ANKRD26: variants seen among roughly 807,000 people sequenced by gnomAD.
ANKRD26 encodes ankyrin repeat domain-containing protein 26.
ANKRD26 carries 141 observed loss-of-function variants against 208.7 expected under a neutral mutation model. The observed-to-expected ratio is 0.68, with a 90% CI of 0.59 to 0.78. ANKRD26 has a LOEUF of 0.78. ANKRD26 is among the 30% of genes least tolerant of loss of function. ANKRD26 has a pLI of 0.00. For missense variants in ANKRD26, 1,889 were observed against 1,938.7 expected, an observed-to-expected ratio of 0.97 and a Z score of 0.48; for synonymous variants, 636 against 660.4, an observed-to-expected ratio of 0.96 and a Z score of 0.57.
intron 16 of ANKRD26, among the ~76,000 whole-genome samples, chr10:27,049,911 C>T (rs2054586866): frequency 6.6e-6 from 1 of 152,024 alleles, no homozygotes; most frequent in Non-Finnish European, 1.5e-5. Flanking sequence ...TGGGAAGTCT[C>T]GTCTGCTTTT....
rs1384332384 is a variant in ANKRD26 at position 27,077,650 on chromosome 10, T to C, written c.857A>G (p.Gln286Arg). 4 of 1,613,330 alleles carry C rather than the reference T, an allele frequency of 2.5e-6. No individual in the cohort carries two copies. In the Admixed American group the frequency reaches 6.7e-5, roughly 27 times the overall value. ...CAGCTTACAATTTTTCCTGGATTGC[T>C]GAGAAGCAGTCATTAGCTTTGCTAA... ...PSLAKLMTAS[Q>R]QSRKNLEATY... Residue 286 changes from glutamine (Q) to arginine (R), a missense_variant, in exon 8 of 34, where the codon CAG becomes CGG. Gln to Arg is a conservative substitution (Grantham distance 43). Coordinates refer to ENST00000376087, the MANE Select transcript of ANKRD26 (RefSeq NM_014915.3).
intron 1 of ANKRD26, among the ~76,000 whole-genome samples, chr10:27,096,765 C>CAAA (rs1177909846): frequency 2.7e-5 from 2 of 73,210 alleles, no homozygotes; most frequent in African/African-American, 3.9e-5. Context: ...GACTCCATCT[C>CAAA]AAAAAAAAAA....
chr10:27,074,619 T>G (rs993826794), intron 9 of ANKRD26, among the ~76,000 whole-genome samples: 13 of 151,980 alleles, frequency 8.6e-5, no homozygotes, highest in Admixed American at 2.0e-4. Context: ...GGGTGGAGGT[T>G]GCAGTGAGCT....
Position 27,100,303 on chromosome 10 carries a change from C to G in ANKRD26, c.24G>C (p.Lys8Asn). Residue 8 changes from lysine to asparagine, a missense_variant, in exon 1 of 34, where the codon AAG becomes AAC. Around this residue, in one of 3 missense-constraint regions of ANKRD26, gnomAD observed 1,272 missense variants for 1,273.8 expected, o/e 1.00. Coordinates refer to ENST00000376087, the MANE Select transcript of ANKRD26 (RefSeq NM_014915.3). Reference sequence around the variant, plus strand: ...CGAAGGAGCCCAAGGGCGACTCGCCCTTCTTACTAAAAATCTTCTTCATGG... The same window carrying G: ...CGAAGGAGCCCAAGGGCGACTCGCCGTTCTTACTAAAAATCTTCTTCATGG... Reference protein sequence around the residue: MKKIFSKKGESPLGSFAR... With the variant: MKKIFSKNGESPLGSFAR... 6.2e-7 allele frequency: 1 copy of G among 1,609,370 alleles called. No homozygotes were observed. Among genetic ancestry groups the G allele is most frequent in the Non-Finnish European group, 8.5e-7 (1 of 1,179,772 alleles).
rs1367886019 is a variant in ANKRD26 at position 27,035,758 on chromosome 10, T to G, written c.2698-6A>C. ...TCTTCATGACTATGAGAATTCTAAG[T>G]AAAACAAAGGAAACTTTGAGCTAGC... On this transcript the variant is annotated splice_polypyrimidine_tract_variant and splice_region_variant and intron_variant, in intron 23 of 33. Coordinates refer to ENST00000376087, the MANE Select transcript of ANKRD26 (RefSeq NM_014915.3). 2 of 1,594,014 alleles carry G rather than the reference T, an allele frequency of 1.3e-6. No individual in the cohort carries two copies. The highest frequency in any genetic ancestry group is 2.7e-5 in the African/African-American group (2 of 74,284).
chr10:27,054,069 C>A (rs1217063397), intron 15 of ANKRD26, among the ~76,000 whole-genome samples: 1 of 152,152 alleles, frequency 6.6e-6, no homozygotes, highest in African/African-American at 2.4e-5. Context: ...TATCTTCCCC[C>A]AGATAAACAG....
At chr10:27,040,342 T>C (rs1423967586) in intron 20 of ANKRD26, among the ~76,000 whole-genome samples, 164 bp from the exon 21 acceptor site, 7 of 152,216 alleles carry the variant, frequency 4.6e-5, no homozygotes. Flanking sequence ...GCAAGACCTC[T>C]GCACTTGCTT....
Position 27,046,400 on chromosome 10 carries a change from T to G in ANKRD26, c.1938A>C (p.Gln646His). The change falls in exon 18 of 34, where the codon CAA becomes CAC. Residue 646 changes from glutamine to histidine, a missense_variant. Around this residue, in one of 3 missense-constraint regions of ANKRD26, gnomAD observed 1,272 missense variants for 1,273.8 expected, o/e 1.00. Transcript: ENST00000376087. Reference protein sequence around the residue: ...KASLLTGGLLQVDDDSSLSEI... With the variant: ...KASLLTGGLLHVDDDSSLSEI... ...CACTTAAACTGCTGTCATCATCCAC[T>G]TGTAGCAGGCCACCAGTTAGTAAAC... 1.2e-6 allele frequency: 2 copies of G among 1,614,162 alleles called. No homozygotes were observed. Among genetic ancestry groups the G allele is most frequent in the Non-Finnish European group, 1.7e-6 (2 of 1,180,010 alleles).
At chr10:27,053,755 T>C (rs1423953958) in intron 15 of ANKRD26, among the ~76,000 whole-genome samples, 1 of 152,180 alleles carries the variant, frequency 6.6e-6, no homozygotes, top group Non-Finnish European at 1.5e-5. Context: ...ACATCTCAAA[T>C]ATTCACTCAC....
chr10:27,036,414 A>G (rs1211940756), intron 23 of ANKRD26, among the ~76,000 whole-genome samples: 1 of 152,042 alleles, frequency 6.6e-6, no homozygotes, highest in African/African-American at 2.4e-5. Flanking sequence ...TTCTTTCACT[A>G]AATCAGTTAT....
chr10:27,034,808 C>T lies in ANKRD26; in HGVS notation c.3642G>A (p.Lys1214=). The T allele has an allele frequency of 6.2e-7, 1 of 1,603,052 alleles. No homozygotes were observed. Among genetic ancestry groups the T allele is most frequent in the South Asian group, 1.1e-5 (1 of 88,592 alleles). The change falls in exon 24 of 34, where the codon AAG becomes AAA. Residue 1214 remains lysine, a synonymous_variant. Transcript: ENST00000376087. ...TCTTGATACTTACTTCTCTTTCTGCCTTTTCATTTTCATATTGATACTGTC... is the reference window on the plus strand; with the variant it reads ...TCTTGATACTTACTTCTCTTTCTGCTTTTTCATTTTCATATTGATACTGTC... The part of the protein sequence containing the change: ...KERQYQYENE[K]AEREVVVRQL...
At chr10:27,071,132 T>C (rs2055472079) in intron 9 of ANKRD26, among the ~76,000 whole-genome samples, 1 of 151,762 alleles carries the variant, frequency 6.6e-6, no homozygotes, top group South Asian at 2.1e-4. Context: ...AATCAGAATA[T>C]TGCAGAAATA....
intron 29 of ANKRD26, among the ~76,000 whole-genome samples, chr10:27,019,354 G>A (rs184145234): frequency 3.5e-4 from 53 of 152,152 alleles, no homozygotes; most frequent in Non-Finnish European, 6.0e-4. Flanking sequence ...CACAGCAAAG[G>A]AAATAATTAA....
intron 17 of ANKRD26, among the ~76,000 whole-genome samples, chr10:27,047,508 C>T (rs1051128142): frequency 2.0e-5 from 3 of 151,708 alleles, no homozygotes; most frequent in East Asian, 3.9e-4. Flanking sequence ...GTAATCCCAG[C>T]TACTCGGGAA....
intron 15 of ANKRD26, among the ~76,000 whole-genome samples, chr10:27,055,131 A>G (rs2054796360): frequency 6.6e-6 from 1 of 152,208 alleles, no homozygotes; most frequent in Non-Finnish European, 1.5e-5. Context: ...AAATGAATAG[A>G]TGTATATATC....
chr10:27,051,034 A>G, intron 16 of ANKRD26: 1 of 1,200,104 alleles, frequency 8.3e-7, no homozygotes, highest in Non-Finnish European at 1.1e-6. Flanking sequence ...AAAAAAACAA[A>G]GAGTAGCAGC....
chr10:27,062,140 G>T (rs2055079140), intron 12 of ANKRD26: 1 of 984,994 alleles, frequency 1.0e-6, no homozygotes, highest in South Asian at 4.7e-5. Flanking sequence ...CAGATCTGTG[G>T]TCTTGATTCT....
the ANKRD26 span, among the ~76,000 whole-genome samples, chr10:26,949,755 G>A: frequency 3.9e-5 from 6 of 151,994 alleles, no homozygotes; most frequent in African/African-American, 7.2e-5. Flanking sequence ...CACCCTCCTC[G>A]ACCTCCCAAA....
chr10:27,062,744 C>T (rs996111930), intron 12 of ANKRD26, among the ~76,000 whole-genome samples: 2 of 151,996 alleles, frequency 1.3e-5, no homozygotes, highest in African/African-American at 4.8e-5. Context: ...GAGATACTAT[C>T]CTATGAAGTA....
Sources: allele counts gnomAD v4.1 joint callset (sites outside exome capture counted in the v4.1 genomes callset), GRCh38; gene constraint gnomAD v4.1.1; regional missense constraint gnomAD v4.1.1; transcripts MANE v1.5; gene names NCBI Gene and HGNC (gene_info 2026-07-23, HGNC 2026-07-21).